WDR70: variants seen among roughly 807,000 people sequenced by gnomAD.
WDR70 encodes WD repeat domain 70.
In WDR70, 53 loss-of-function variants were observed where a neutral mutation model predicts 88.6. The observed-to-expected ratio is 0.60, with a 90% CI of 0.48 to 0.75. The LOEUF (loss-of-function observed/expected upper bound fraction) is 0.75, where lower values mean the gene tolerates loss of function less well. WDR70 is among the 30% of genes least tolerant of loss of function. WDR70 has a pLI of 0.00. For synonymous variants in WDR70, 280 were observed against 270.0 expected (o/e 1.04, Z -0.36); for missense variants, 610 against 823.2 (o/e 0.74, Z 3.17).
chr5:37,568,065 T>C (rs1004887271), intron 9 of WDR70, among the ~76,000 whole-genome samples: 31 of 152,214 alleles, frequency 2.0e-4, no homozygotes, highest in African/African-American at 7.5e-4. Context: ...TTTGCATAAA[T>C]AAAAGTTTTC....
intron 5 of WDR70, among the ~76,000 whole-genome samples, chr5:37,418,533 G>A (rs1413286884): frequency 2.0e-5 from 3 of 151,948 alleles, no homozygotes; most frequent in Non-Finnish European, 4.4e-5. Context: ...TGTTAGCCAG[G>A]ATGGTAATCT....
chr5:37,695,400 C>A lies in WDR70; in HGVS notation c.1093-2255C>A, dbSNP rs932008267. Among the ~76,000 whole-genome samples the A allele has an allele frequency of 4.6e-5, 7 of 152,142 alleles. No homozygotes were observed. The East Asian group carries it at 1.3e-3, about 29-fold the overall frequency. On this transcript the variant is annotated intron_variant, in intron 10 of 17. Coordinates refer to ENST00000265107, the MANE Select transcript of WDR70 (RefSeq NM_018034.4). Reference sequence around the variant, plus strand: ...GCTTATACAGCCTTGATATCTGGGGCCTGTTCATATCATTTCCCCACCATG... The same window carrying A: ...GCTTATACAGCCTTGATATCTGGGGACTGTTCATATCATTTCCCCACCATG...
intron 9 of WDR70, among the ~76,000 whole-genome samples, chr5:37,587,290 C>T (rs1041018204): frequency 7.2e-5 from 11 of 151,980 alleles, no homozygotes; most frequent in Non-Finnish European, 1.2e-4. Flanking sequence ...TTTACAATCT[C>T]GTCTTCTACT....
intron 8 of WDR70, among the ~76,000 whole-genome samples, chr5:37,511,048 C>G (rs542232722): frequency 6.6e-6 from 1 of 152,138 alleles, no homozygotes; most frequent in Non-Finnish European, 1.5e-5. Flanking sequence ...TATAAAGTTA[C>G]TGTCTTCTCA....
At chr5:37,384,588 A>G (rs1267297214) in intron 3 of WDR70, among the ~76,000 whole-genome samples, 1 of 135,674 alleles carries the variant, frequency 7.4e-6, no homozygotes, top group Non-Finnish European at 1.5e-5. Flanking sequence ...TGAACCCTGG[A>G]GGCAGAGCTT....
At chr5:37,606,882 TCCCCCCTCCCCTCCC>T (rs1744042425) in intron 10 of WDR70, among the ~76,000 whole-genome samples, 1 of 83,028 alleles carries the variant, frequency 1.2e-5, no homozygotes, top group African/African-American at 6.1e-5. Context: ...AATTCCTTGC[TCCCCCCTCCCCTCCC>T]CTCCCCTCCC....
chr5:37,402,302 T>TGC (rs1241878421), intron 5 of WDR70, among the ~76,000 whole-genome samples: 3 of 150,618 alleles, frequency 2.0e-5, no homozygotes, highest in Non-Finnish European at 1.5e-5. Context: ...TTTGTGTGTG[T>TGC]GTGTGTGTGT....
chr5:37,597,751 A>G (rs1449614300), intron 9 of WDR70, among the ~76,000 whole-genome samples: 4 of 152,198 alleles, frequency 2.6e-5, no homozygotes, highest in Non-Finnish European at 4.4e-5. Flanking sequence ...TGCTGGCACC[A>G]TGCTTTTTGT....
chr5:37,414,144 C>CA (rs59026349), intron 5 of WDR70, among the ~76,000 whole-genome samples: 19,617 of 93,876 alleles, frequency 0.21, 1,748 homozygotes, highest in African/African-American at 0.23. Flanking sequence ...AACTCTGTCT[C>CA]AAAAAAAAAA....
chr5:37,415,844 G>A lies in WDR70; in HGVS notation c.492+19274G>A, dbSNP rs1416467780. On this transcript the variant is annotated intron_variant, in intron 5 of 17. Transcript: ENST00000265107. ...TCACCTCCCAGACGGGGTCGCGGCC[G>A]GGCAGAGGCGCTCCTCACATCCCAG... is the stretch of plus-strand genomic sequence containing the variant. Among the ~76,000 whole-genome samples the A allele has an allele frequency of 1.2e-3, 182 of 151,130 alleles. 1 individual carries two copies. The highest frequency in any genetic ancestry group is 4.3e-3 in the African/African-American group (176 of 41,192).
chr5:37,628,579 G>A (rs1744733461), intron 10 of WDR70, among the ~76,000 whole-genome samples: 2 of 152,118 alleles, frequency 1.3e-5, no homozygotes, highest in African/African-American at 2.4e-5. Context: ...CAGTTTAAGT[G>A]TGTCTTTATA....
At chr5:37,668,971 A>T (rs1052776865) in intron 10 of WDR70, among the ~76,000 whole-genome samples, 2 of 152,000 alleles carry the variant, frequency 1.3e-5, no homozygotes, top group Non-Finnish European at 2.9e-5. Flanking sequence ...GTAAATGCAC[A>T]CTCTCTTTCT....
At chr5:37,600,332 C>T (rs10039768) in intron 9 of WDR70, among the ~76,000 whole-genome samples, 16,277 of 151,950 alleles carry the variant, frequency 0.11, 2,824 homozygotes, top group African/African-American at 0.36. Flanking sequence ...TCGAGACCAT[C>T]CTGGCTAACA....
chr5:37,564,224 A>C lies in WDR70; in HGVS notation c.918-40840A>C, dbSNP rs1299705465. On this transcript the variant is annotated intron_variant, in intron 9 of 17. Transcript: ENST00000265107. ...AGCCGAGATCACGCCACTGCACTCCAGCCTGGGCACCATTGAGCACTGAGT... is the reference window on the plus strand; with the variant it reads ...AGCCGAGATCACGCCACTGCACTCCCGCCTGGGCACCATTGAGCACTGAGT... Among the ~76,000 whole-genome samples the C allele has an allele frequency of 2.6e-5, 4 of 152,084 alleles. No individual in the cohort carries two copies. In the South Asian group the frequency reaches 8.3e-4, roughly 32 times the overall value.
chr5:37,657,505 T>TA (rs1288051388), intron 10 of WDR70, among the ~76,000 whole-genome samples: 4 of 152,172 alleles, frequency 2.6e-5, no homozygotes, highest in African/African-American at 9.7e-5. Flanking sequence ...ACTTGCTACT[T>TA]ACTATGAATT....
intron 9 of WDR70, among the ~76,000 whole-genome samples, chr5:37,551,286 C>T (rs1364957564): frequency 6.8e-6 from 1 of 147,164 alleles, no homozygotes; most frequent in Non-Finnish European, 1.5e-5. Context: ...GCCTGGGCAA[C>T]AGGAGTAAAA....
chr5:37,580,398 C>T (rs956270808), intron 9 of WDR70, among the ~76,000 whole-genome samples: 1 of 152,148 alleles, frequency 6.6e-6, no homozygotes, highest in African/African-American at 2.4e-5. Flanking sequence ...TCAAATCAGC[C>T]TGGATATTAC....
chr5:37,705,239 T>G (rs1282747112), intron 13 of WDR70, among the ~76,000 whole-genome samples: 1 of 152,152 alleles, frequency 6.6e-6, no homozygotes, highest in Non-Finnish European at 1.5e-5. Context: ...AGTTGAAATG[T>G]TGATTGCTGA....
intron 10 of WDR70, among the ~76,000 whole-genome samples, chr5:37,669,143 C>A: frequency 6.6e-6 from 1 of 152,062 alleles, no homozygotes; most frequent in East Asian, 1.9e-4. Context: ...CAAGAAAATT[C>A]TGTATTTTCT....
Sources: gnomAD v4.1 joint callset for allele counts (sites outside exome capture counted in the v4.1 genomes callset) on GRCh38, gnomAD v4.1.1 for gene constraint, MANE v1.5 for transcripts, NCBI Gene and HGNC (gene_info 2026-07-23, HGNC 2026-07-21) for gene names.